CACNA2D3: variants seen among roughly 807,000 people sequenced by gnomAD.
CACNA2D3 encodes calcium voltage-gated channel auxiliary subunit alpha2delta 3, also known as voltage-dependent calcium channel subunit alpha-2/delta-3.
Under a neutral mutation model 160.6 loss-of-function variants are expected in CACNA2D3, and 60 were observed. The ratio of observed to expected loss-of-function variants is 0.37; its 90% CI spans 0.30 to 0.46. CACNA2D3 has a LOEUF of 0.46. Among genes scored for constraint, CACNA2D3 ranks in the 20% least tolerant of loss-of-function variants. CACNA2D3 has a pLI of 1.00. For missense variants in CACNA2D3, 1,205 were observed against 1,365.0 expected (o/e 0.88, Z 1.85); for synonymous variants, 558 against 492.9 (o/e 1.13, Z -1.75).
chr3:54,188,072 T>C (rs1375114285), intron 2 of CACNA2D3, among the ~76,000 whole-genome samples: 1 of 152,188 alleles, frequency 6.6e-6, no homozygotes, highest in East Asian at 1.9e-4. Flanking sequence ...CATGGGTATG[T>C]GCTCCCCCAA....
chr3:54,763,812 CAT>C (rs10606589), intron 12 of CACNA2D3, among the ~76,000 whole-genome samples: 33,368 of 41,720 alleles, frequency 0.8, 14,728 homozygotes, highest in Admixed American at 0.89. Context: ...CATATATATA[CAT>C]ATATATATAC....
chr3:54,923,549 T>G (rs2106936830), intron 27 of CACNA2D3, among the ~76,000 whole-genome samples: 1 of 152,322 alleles, frequency 6.6e-6, no homozygotes, highest in South Asian at 2.1e-4. Flanking sequence ...TAAACATGTA[T>G]CTTTATTTAT....
At position 54,927,980 on chromosome 3, in the gene CACNA2D3, A is replaced by G. The variant is rs9825651; in HGVS notation, c.2449+28112A>G. On this transcript the variant is annotated intron_variant, in intron 27 of 37. Transcript: ENST00000474759. ...TAATTAATGTGCAGAGCAACACACG[A>G]AGGGCATGGCAGACTCAGAGCCCAG... The G allele has an allele frequency of 0.011, 16,179 of 1,483,134 alleles. 1,377 individuals carry two copies. The African/African-American group carries it at 0.19, about 17-fold the overall frequency. 91.9% of individuals were successfully genotyped at this position (1,483,134 alleles called of 1,614,324 possible).
At chr3:54,438,915 A>G (rs1700099472) in intron 4 of CACNA2D3, among the ~76,000 whole-genome samples, 1 of 152,336 alleles carries the variant, frequency 6.6e-6, no homozygotes, top group Non-Finnish European at 1.5e-5. Flanking sequence ...TAAGAATTGA[A>G]TATTGGAATG....
intron 3 of CACNA2D3, among the ~76,000 whole-genome samples, chr3:54,370,695 C>T (rs1453128625): frequency 1.3e-5 from 2 of 152,038 alleles, no homozygotes; most frequent in Non-Finnish European, 2.9e-5. Flanking sequence ...TTTTTGGTAA[C>T]AGTTTTATTG....
intron 4 of CACNA2D3, among the ~76,000 whole-genome samples, chr3:54,433,328 C>T (rs1700016159): frequency 6.6e-6 from 1 of 152,154 alleles, no homozygotes; most frequent in Non-Finnish European, 1.5e-5. Flanking sequence ...CCAGTATCTG[C>T]AGCTAAATAG....
In CACNA2D3 at chr3:54,347,099, A is replaced by T. The variant is rs61357313; in HGVS notation, c.321+26541A>T. ...TGTTCATGGCAGGGGACACATTGCA[A>T]TGTTGATGGAGCCTTGACCACAGAC... is the stretch of plus-strand genomic sequence containing the variant. On this transcript the variant is annotated intron_variant, in intron 3 of 37. Transcript: ENST00000474759. Among the ~76,000 whole-genome samples the T allele has an allele frequency of 3.6e-3, 545 of 152,298 alleles. 15 individuals are homozygous for T. In the East Asian group the frequency reaches 0.063, roughly 18 times the overall value.
At chr3:54,549,313 G>C (rs908506931) in intron 5 of CACNA2D3, among the ~76,000 whole-genome samples, 1 of 152,204 alleles carries the variant, frequency 6.6e-6, no homozygotes, top group African/African-American at 2.4e-5. Flanking sequence ...GAATGTGGTG[G>C]CAGACGCCTG....
chr3:54,203,085 G>C (rs1701206878), intron 2 of CACNA2D3, among the ~76,000 whole-genome samples: 1 of 152,202 alleles, frequency 6.6e-6, no homozygotes, highest in Non-Finnish European at 1.5e-5. Context: ...GTGGTACCCA[G>C]ATAAGCATTA....
intron 5 of CACNA2D3, among the ~76,000 whole-genome samples, chr3:54,551,718 CA>C (rs1702160964): frequency 6.6e-6 from 1 of 152,182 alleles, no homozygotes; most frequent in East Asian, 1.9e-4. Context: ...CCGTCGTGTT[CA>C]GCACAGATTT....
intron 35 of CACNA2D3, among the ~76,000 whole-genome samples, chr3:55,051,966 G>A (rs541742147): frequency 4.6e-5 from 7 of 152,058 alleles, no homozygotes; most frequent in African/African-American, 1.4e-4. Context: ...GCTTCGCCTC[G>A]TGCACGGTGC....
At chr3:55,054,514 C>T (rs538795961) in intron 35 of CACNA2D3, among the ~76,000 whole-genome samples, 1 of 151,318 alleles carries the variant, frequency 6.6e-6, no homozygotes, top group African/African-American at 2.4e-5. Context: ...ATATAGTTTA[C>T]ATATTTCTGC....
chr3:54,785,107 A>G (rs951495895), intron 13 of CACNA2D3, among the ~76,000 whole-genome samples: 24 of 152,262 alleles, frequency 1.6e-4, no homozygotes, highest in African/African-American at 5.3e-4. Flanking sequence ...AGTAGCCACC[A>G]GCAGAGCCAT....
chr3:54,790,442 G>A (rs1702730733), intron 13 of CACNA2D3, among the ~76,000 whole-genome samples: 1 of 152,198 alleles, frequency 6.6e-6, no homozygotes, highest in Non-Finnish European at 1.5e-5. Context: ...AAGTAAGTGT[G>A]CAGAGAAGAC....
intron 35 of CACNA2D3, among the ~76,000 whole-genome samples, chr3:55,039,235 A>G (rs1291328479): frequency 6.6e-6 from 1 of 152,098 alleles, no homozygotes; most frequent in Non-Finnish European, 1.5e-5. Context: ...GGACTTTATG[A>G]TGTTCATCTT....
At chr3:54,833,248 G>A (rs1360862802) in intron 14 of CACNA2D3, among the ~76,000 whole-genome samples, 5 of 152,196 alleles carry the variant, frequency 3.3e-5, no homozygotes, top group African/African-American at 7.2e-5. Flanking sequence ...ATACAACAGA[G>A]CACCACAACC....
At position 54,901,633 on chromosome 3, in the gene CACNA2D3, A is replaced by G. The variant is rs527930657; in HGVS notation, c.2449+1765A>G. ...ATTTACTGCTTCTCTGTGTATGCCA[A>G]ATGGCCCCCATTTTCAGAAGATAAT... On this transcript the variant is annotated intron_variant, in intron 27 of 37. Transcript: ENST00000474759. Among the ~76,000 whole-genome samples the G allele has an allele frequency of 5.3e-5, 8 of 152,288 alleles. No individual in the cohort carries two copies. In the South Asian group the frequency reaches 1.7e-3, roughly 32 times the overall value.
chr3:54,610,778 C>T (rs1045753392), intron 9 of CACNA2D3, among the ~76,000 whole-genome samples: 2 of 152,074 alleles, frequency 1.3e-5, no homozygotes, highest in Admixed American at 6.6e-5. Context: ...TACAGACATC[C>T]GCCACCATGC....
intron 2 of CACNA2D3, among the ~76,000 whole-genome samples, chr3:54,206,633 G>C (rs1231781448): frequency 6.6e-6 from 1 of 152,128 alleles, no homozygotes; most frequent in Admixed American, 6.6e-5. Context: ...AGCTATACCA[G>C]TAAGCTTAGT....
Sources: gnomAD v4.1 joint callset for allele counts (sites outside exome capture counted in the v4.1 genomes callset) on GRCh38, gnomAD v4.1.1 for gene constraint, MANE v1.5 for transcripts, NCBI Gene and HGNC (gene_info 2026-07-23, HGNC 2026-07-21) for gene names.